Variants in SNX29 observed in about 807,000 individuals in gnomAD.
The protein encoded by SNX29 is sorting nexin-29.
A neutral mutation model predicts 102.1 loss-of-function variants in SNX29; 78 were observed. The ratio of observed to expected loss-of-function variants is 0.76; its 90% confidence interval spans 0.64 to 0.92. SNX29 has a LOEUF of 0.92. SNX29 is among the 40% of genes least tolerant of loss of function. SNX29 has a pLI of 0.00. For synonymous variants in SNX29, 580 were observed against 414.5 expected (o/e 1.40, Z -4.85); for missense variants, 1,280 against 1,061.7 (o/e 1.21, Z -2.86).
chr16:12,033,856 C>T (rs2057406965), intron 4 of SNX29, among the ~76,000 whole-genome samples: 1 of 152,170 alleles, frequency 6.6e-6, no homozygotes, highest in Admixed American at 6.5e-5. Context: ...ATCCGCCTGC[C>T]TTGGCCTCCC....
intron 20 of SNX29, among the ~76,000 whole-genome samples, chr16:12,525,701 C>A (rs942012473): frequency 4.6e-5 from 5 of 108,492 alleles, no homozygotes; most frequent in East Asian, 3.1e-4. Flanking sequence ...CCCCCCCACC[C>A]CCCCCCCCAA....
chr16:12,474,575 A>G (rs960272822), intron 18 of SNX29, among the ~76,000 whole-genome samples: 1 of 152,216 alleles, frequency 6.6e-6, no homozygotes, highest in Non-Finnish European at 1.5e-5. Flanking sequence ...GGGCTCTTGC[A>G]TATACATTAT....
At chr16:12,368,972 T>C (rs1302282834) in intron 16 of SNX29, among the ~76,000 whole-genome samples, 1 of 152,186 alleles carries the variant, frequency 6.6e-6, no homozygotes, top group Non-Finnish European at 1.5e-5. Context: ...CATTCATTAT[T>C]GGTGCAGGAA....
At chr16:12,540,509 G>T (rs751350523) in intron 20 of SNX29, among the ~76,000 whole-genome samples, 1 of 152,230 alleles carries the variant, frequency 6.6e-6, no homozygotes, top group Non-Finnish European at 1.5e-5. Context: ...CCTTCTCGAG[G>T]TTGTGGGGCA....
chr16:12,196,461 T>C (rs1156449271), intron 13 of SNX29, among the ~76,000 whole-genome samples: 5 of 152,130 alleles, frequency 3.3e-5, no homozygotes, highest in African/African-American at 1.2e-4. Context: ...TCTCTGGGAA[T>C]GAGGCACAGC....
chr16:12,266,807 A>C (rs1327288546), intron 14 of SNX29, among the ~76,000 whole-genome samples: 1 of 151,814 alleles, frequency 6.6e-6, no homozygotes, highest in Non-Finnish European at 1.5e-5. Context: ...TCTGCCACCC[A>C]GGCTGAAGTG....
At chr16:12,239,332 G>A (rs1040404718) in intron 14 of SNX29, among the ~76,000 whole-genome samples, 1 of 152,122 alleles carries the variant, frequency 6.6e-6, no homozygotes, top group Admixed American at 6.5e-5. Flanking sequence ...TCTAGCACCA[G>A]TGAGGATTTG....
chr16:12,144,674 C>A (rs1236730083), intron 13 of SNX29, among the ~76,000 whole-genome samples: 1 of 152,228 alleles, frequency 6.6e-6, no homozygotes, highest in African/African-American at 2.4e-5. Context: ...TACCCAGCCT[C>A]AGGTATTCGG....
intron 3 of SNX29, among the ~76,000 whole-genome samples, chr16:12,013,500 A>AAAAAAAAAAAAATAT: frequency 1.6e-4 from 5 of 31,634 alleles, no homozygotes; most frequent in Non-Finnish European, 2.5e-4. Context: ...AAAAAAAAAA[A>AAAAAAAAAAAAATAT]ATATATATAT....
intron 20 of SNX29, among the ~76,000 whole-genome samples, chr16:12,548,108 C>T (rs891440581): frequency 6.6e-6 from 1 of 152,326 alleles, no homozygotes; most frequent in African/African-American, 2.4e-5. Context: ...ACATTGAGGT[C>T]TATTTCTTGG....
chr16:12,550,792 G>C (rs991224964), intron 20 of SNX29, among the ~76,000 whole-genome samples: 1 of 93,404 alleles, frequency 1.1e-5, no homozygotes, highest in Non-Finnish European at 2.1e-5. Flanking sequence ...CTGAGATAAG[G>C]AAGAGGGAGC....
rs749980278 is a variant in SNX29 at position 12,171,960 on chromosome 16, G to C, written c.1596-27641G>C. Among the ~76,000 whole-genome samples the C allele has an allele frequency of 8.5e-4, 130 of 152,292 alleles. 1 individual carries two copies. The highest frequency in any genetic ancestry group is 4.7e-4 in the Non-Finnish European group (32 of 68,022). ...ATCCCAAGCCTCACAGGACATTGAC[G>C]AGGATGCGGTGAGAATTCTGAGATT... On this transcript the variant is annotated intron_variant, in intron 13 of 20. Transcript: ENST00000566228.
chr16:12,463,283 C>A (rs1053180606), intron 18 of SNX29, among the ~76,000 whole-genome samples: 4 of 152,182 alleles, frequency 2.6e-5, no homozygotes, highest in Admixed American at 2.6e-4. Context: ...TTTTTCATTG[C>A]CTAATCACCT....
chr16:12,020,959 C>A (rs772737690), intron 3 of SNX29, among the ~76,000 whole-genome samples: 1 of 152,112 alleles, frequency 6.6e-6, no homozygotes, highest in Non-Finnish European at 1.5e-5. Flanking sequence ...ATGTAATGGC[C>A]TTGTTCTTAC....
chr16:12,550,063 C>G (rs577184900), intron 20 of SNX29, among the ~76,000 whole-genome samples: 113 of 152,208 alleles, frequency 7.4e-4, no homozygotes, highest in Non-Finnish European at 1.4e-3. Flanking sequence ...TATGTTTAGT[C>G]TCACCCTTTA....
At chr16:12,024,478 C>T (rs1264527435) in intron 3 of SNX29, among the ~76,000 whole-genome samples, 1 of 152,156 alleles carries the variant, frequency 6.6e-6, no homozygotes, top group Admixed American at 6.5e-5. Context: ...TAGATACGTG[C>T]TCAGATCCAA....
At chr16:12,196,792 T>C (rs1463647238) in intron 13 of SNX29, among the ~76,000 whole-genome samples, 2 of 152,056 alleles carry the variant, frequency 1.3e-5, no homozygotes, top group African/African-American at 4.8e-5. Context: ...AGCTAATTTT[T>C]GTATTTTCAG....
At chr16:12,474,694 A>G (rs1052098708) in intron 18 of SNX29, among the ~76,000 whole-genome samples, 1 of 152,238 alleles carries the variant, frequency 6.6e-6, no homozygotes, top group Admixed American at 6.5e-5. Context: ...TCAAATTACG[A>G]TGGCAATTTA....
intron 18 of SNX29, among the ~76,000 whole-genome samples, chr16:12,406,910 AAAAG>A (rs1024471016): frequency 5.9e-5 from 9 of 152,308 alleles, no homozygotes; most frequent in African/African-American, 1.7e-4. Context: ...CTCTGTCTCA[AAAAG>A]AAAGAAAGAA....
Sources: gnomAD v4.1 joint callset for allele counts (sites outside exome capture counted in the v4.1 genomes callset) on GRCh38, gnomAD v4.1.1 for gene constraint, MANE v1.5 for transcripts, NCBI Gene and HGNC (gene_info 2026-07-23, HGNC 2026-07-21) for gene names.